Variants in CEACAM1 observed in about 807,000 individuals in gnomAD.
CEACAM1 encodes cell adhesion molecule CEACAM1.
CEACAM1 carries 31 observed loss-of-function variants against 49.1 expected under a neutral mutation model. The observed-to-expected ratio is 0.63, with a 90% confidence interval of 0.47 to 0.85. The LOEUF is 0.85. CEACAM1 is among the 40% of genes least tolerant of loss of function. The probability of loss-of-function intolerance (pLI) is 0.00; values close to 1 mark genes in which losing one functional copy is unlikely to be tolerated. For synonymous variants in CEACAM1, 244 were observed against 247.8 expected (o/e 0.98, Z 0.14); for missense variants, 570 against 645.3 (o/e 0.88, Z 1.26).
In CEACAM1 at chr19:42,521,540, A is replaced by G; in HGVS notation, c.704-19T>C. On this transcript the variant is annotated intron_variant, in intron 3 of 8. Transcript: ENST00000161559. ...GGGCCATCTGGAGCAAAGAGAATAA[A>G]GCCACAGGTGATGTCATCAGAGGGA... 1.2e-6 allele frequency: 2 copies of G among 1,609,636 alleles called. No homozygotes were observed. The highest frequency in any genetic ancestry group is 1.7e-6 in the Non-Finnish European group (2 of 1,177,326).
At chr19:42,519,318 G>T in intron 4 of CEACAM1, 83 bp from the exon 5 acceptor site, 1 of 1,409,084 alleles carries the variant, frequency 7.1e-7, no homozygotes, top group Non-Finnish European at 9.8e-7. Context: ...CTTTCCCTGA[G>T]ATTTTAGCCA....
chr19:42,510,904 A>T lies in CEACAM1; in HGVS notation c.1446T>A (p.Asn482Lys). The change falls in exon 8 of 9, where the codon AAT (asparagine) becomes AAA (lysine). Residue 482 changes from asparagine (N) to lysine (K), a missense_variant. Physicochemically the swap from Asn to Lys is moderately conservative, Grantham distance 94 (BLOSUM62 0). Transcript: ENST00000161559. ...SVSNHTQDHS[N>K]DPPNKMNEVT... The stretch of plus-strand genomic sequence containing the variant: ...CTATGCTTACCTTGTTAGGTGGGTC[A>T]TTGGAGTGGTCCTGAGCTGGAGAAG... 1 of 1,614,106 alleles carries T rather than the reference A, an allele frequency of 6.2e-7. No homozygotes were observed. Among genetic ancestry groups the T allele is most frequent in the Non-Finnish European group, 8.5e-7 (1 of 1,179,918 alleles).
At chr19:42,510,946 G>A in intron 7 of CEACAM1, 26 bp from the exon 8 acceptor site, 1 of 1,612,572 alleles carries the variant, frequency 6.2e-7, no homozygotes, top group Non-Finnish European at 8.5e-7. Flanking sequence ...AAGAGTTAGC[G>A]ATCCATGGAA....
Position 42,519,003 on chromosome 19 carries a change from C to T in CEACAM1, c.1191G>A (p.Glu397=), listed in dbSNP as rs1261343078. 2 of 1,614,130 alleles carry T rather than the reference C, an allele frequency of 1.2e-6. No homozygotes were observed. The highest frequency in any genetic ancestry group is 1.7e-5 in the Admixed American group (1 of 60,022). The change falls in exon 5 of 9, where the codon GAG becomes GAA. Residue 397 remains glutamate, a synonymous_variant. Transcript: ENST00000161559. The stretch of plus-strand genomic sequence containing the variant: ...GGTTCTTACTGATTGGGTTGAAGAC[C>T]TCACACCAATACGTCCCAGCATCCT... ...KREDAGTYWC[E]VFNPISKNQS...
intron 8 of CEACAM1, among the ~76,000 whole-genome samples, chr19:42,510,086 A>G (rs1249138898): frequency 6.6e-6 from 1 of 151,920 alleles, no homozygotes; most frequent in Non-Finnish European, 1.5e-5. Context: ...AGGTAAAATG[A>G]AAACTTCTTT....
At chr19:42,526,933 TG>T in intron 2 of CEACAM1, 107 bp downstream of exon 2, 1 of 1,511,934 alleles carries the variant, frequency 6.6e-7, no homozygotes, top group Non-Finnish European at 8.9e-7. Context: ...AACCTTAACA[TG>T]GGGTATAATG....
At chr19:42,527,557 G>C (rs950584065) in intron 1 of CEACAM1, among the ~76,000 whole-genome samples, 157 bp from the exon 2 acceptor site, 1 of 146,850 alleles carries the variant, frequency 6.8e-6, no homozygotes, top group Admixed American at 6.8e-5. Context: ...GTCCTACTGG[G>C]TCAAGGTCAG....
chr19:42,512,236 T>G, intron 6 of CEACAM1, 114 bp downstream of exon 6: 5 of 1,209,502 alleles, frequency 4.1e-6, no homozygotes, highest in Non-Finnish European at 3.5e-6. Flanking sequence ...GAAGCAGGAG[T>G]TTAGTGGGAG....
chr19:42,518,584 G>A (rs1448899857), intron 5 of CEACAM1: 16 of 229,040 alleles, frequency 7.0e-5, no homozygotes, highest in Non-Finnish European at 1.1e-4. Flanking sequence ...TGAAAGCTCC[G>A]CCTCCCAGGT....
At chr19:42,524,918 C>G (rs749045904) in intron 2 of CEACAM1, among the ~76,000 whole-genome samples, 2 of 152,050 alleles carry the variant, frequency 1.3e-5, no homozygotes, top group African/African-American at 4.8e-5. Flanking sequence ...GGTAGATGGT[C>G]AGGGGATGGA....
chr19:42,511,461 C>T, intron 7 of CEACAM1, 115 bp downstream of exon 7: 2 of 896,794 alleles, frequency 2.2e-6, no homozygotes, highest in South Asian at 1.4e-5. Context: ...AAATAGAGAT[C>T]CTTTCTGTGA....
At chr19:42,514,358 C>T (rs546480342) in intron 5 of CEACAM1, among the ~76,000 whole-genome samples, 30 of 152,062 alleles carry the variant, frequency 2.0e-4, no homozygotes, top group South Asian at 6.2e-4. Context: ...CTTGAACTCC[C>T]GACCTCAGGT....
At chr19:42,512,584 G>A (rs191211563) in intron 5 of CEACAM1, 105 bp from the exon 6 acceptor site, 19 of 1,155,042 alleles carry the variant, frequency 1.6e-5, no homozygotes, top group Admixed American at 6.1e-5. Context: ...GTTCCTTCAA[G>A]GAATACAGTT....
At chr19:42,526,971 G>A in intron 2 of CEACAM1, 70 bp downstream of exon 2, 2 of 1,567,234 alleles carry the variant, frequency 1.3e-6, no homozygotes, top group Non-Finnish European at 8.6e-7. Flanking sequence ...CACAGCCCAG[G>A]CCTGACAATC....
At chr19:42,521,865 C>T in intron 3 of CEACAM1, 59 bp downstream of exon 3, 2 of 1,613,174 alleles carry the variant, frequency 1.2e-6, no homozygotes, top group South Asian at 1.1e-5. Context: ...GAGGCCTGGC[C>T]TCTGGCTGCG....
chr19:42,521,809 G>A (rs1600233486), intron 3 of CEACAM1, 115 bp downstream of exon 3: 1 of 1,575,372 alleles, frequency 6.3e-7, no homozygotes, highest in East Asian at 2.2e-5. Context: ...GCCAGCCTGG[G>A]TGTCCAGGGT....
chr19:42,522,560 CT>C (rs1045017717), intron 2 of CEACAM1, among the ~76,000 whole-genome samples: 30 of 150,948 alleles, frequency 2.0e-4, no homozygotes, highest in African/African-American at 7.1e-4. Context: ...GGGCATTTTT[CT>C]TTCTTTCTTT....
Position 42,509,205 on chromosome 19 carries a change from G to A in CEACAM1, c.1485C>T (p.Thr495=). The change falls in exon 9 of 9, where the codon ACC becomes ACT. Residue 495 remains threonine (T), a synonymous_variant. Coordinates refer to ENST00000161559, the MANE Select transcript of CEACAM1 (RefSeq NM_001712.5). The part of the protein sequence containing the change: ...PNKMNEVTYS[T]LNFEAQQPTQ... ...TGGGTTGCTGGGCTTCAAAGTTCAG[G>A]GTAGAATAAGTAACTTCATTCATCT... The A allele has an allele frequency of 6.2e-7, 1 of 1,612,520 alleles. No homozygotes were observed.
chr19:42,521,281 G>A lies in CEACAM1; in HGVS notation c.944C>T (p.Thr315Met), dbSNP rs150099950. The change falls in exon 4 of 9, where the codon ACG becomes ATG. Residue 315 changes from threonine (T) to methionine (M), a missense_variant. Thr to Met is a moderately conservative substitution (Grantham distance 81). Coordinates refer to ENST00000161559, the MANE Select transcript of CEACAM1 (RefSeq NM_001712.5). The stretch of plus-strand genomic sequence containing the variant: ...GAATTACTTACCAGTGACTATGATC[G>A]TCTTGACTGTGGTCCTGTTGCAGCC... The part of the protein sequence containing the change: ...VTGCNRTTVK[T>M]IIVTELSPVV... 2.0e-5 allele frequency: 32 copies of A among 1,614,180 alleles called. No homozygotes were observed. The highest frequency in any genetic ancestry group is 1.6e-4 in the Middle Eastern group (1 of 6,062).
Sources: allele counts gnomAD v4.1 joint callset (sites outside exome capture counted in the v4.1 genomes callset), GRCh38; gene constraint gnomAD v4.1.1; transcripts MANE v1.5; gene names NCBI Gene and HGNC (gene_info 2026-07-23, HGNC 2026-07-21).